ATG16L2: variants seen among roughly 807,000 people sequenced by gnomAD.
ATG16L2 encodes autophagy related 16 like 2.
In ATG16L2, 77 loss-of-function variants were observed where a neutral mutation model predicts 84.7. The ratio of observed to expected loss-of-function variants is 0.91; its 90% CI spans 0.76 to 1.10. ATG16L2 has a LOEUF of 1.10. ATG16L2 is among the 50% of genes least tolerant of loss of function. The pLI, the probability that ATG16L2 is intolerant of heterozygous loss-of-function variation, is 0.00. For missense variants in ATG16L2, 782 were observed against 817.6 expected (o/e 0.96, Z 0.53); for synonymous variants, 361 against 342.8 (o/e 1.05, Z -0.59).
At chr11:72,840,584 A>G (rs1335438809) in intron 5 of ATG16L2, among the ~76,000 whole-genome samples, 2 of 152,244 alleles carry the variant, frequency 1.3e-5, no homozygotes, top group African/African-American at 4.8e-5. Flanking sequence ...GTGTTTCACA[A>G]TTAGCCCGCT....
Position 72,829,437 on chromosome 11 carries a change from A to G in ATG16L2, c.*47A>G. On this transcript the variant is annotated 3_prime_UTR_variant, in exon 18 of 18. Coordinates refer to ENST00000321297, the MANE Select transcript of ATG16L2 (RefSeq NM_033388.2). The stretch of plus-strand genomic sequence containing the variant: ...GCTGGAGCTCTTGCCCGAAGCCTGA[A>G]GCTTCCTTCGGCGCCATGCAGGGGT... 6.3e-7 allele frequency: 1 copy of G among 1,590,718 alleles called. No homozygotes were observed. The highest frequency in any genetic ancestry group is 8.6e-7 in the Non-Finnish European group (1 of 1,166,706).
chr11:72,842,384 C>G (rs1266705846), intron 5 of ATG16L2, among the ~76,000 whole-genome samples: 1 of 152,172 alleles, frequency 6.6e-6, no homozygotes, highest in Non-Finnish European at 1.5e-5. Flanking sequence ...TTTTGGTTAA[C>G]CAATTCAAGG....
intron 2 of ATG16L2, 76 bp from the exon 3 acceptor site, chr11:72,817,680 A>C: frequency 7.0e-7 from 1 of 1,425,320 alleles, no homozygotes; most frequent in East Asian, 2.3e-5. Flanking sequence ...TAGGCTTTTC[A>C]TGTAGCATCA....
intron 7 of ATG16L2, 121 bp from the exon 8 acceptor site, chr11:72,823,939 C>T (rs575486677): frequency 2.8e-4 from 309 of 1,121,468 alleles, no homozygotes; most frequent in Non-Finnish European, 3.9e-4. Flanking sequence ...AAGTCAAGTT[C>T]TTATCCCAGA....
downstream of ATG16L2, among the ~76,000 whole-genome samples, chr11:72,832,014 ACTCC>A (rs1860617398): frequency 6.6e-6 from 1 of 151,704 alleles, no homozygotes; most frequent in African/African-American, 2.4e-5. Context: ...GTCTAACCTG[ACTCC>A]CTCCCTACAT....
chr11:72,824,597 C>A, intron 8 of ATG16L2, 137 bp from the exon 9 acceptor site: 1 of 698,080 alleles, frequency 1.4e-6, no homozygotes, highest in Non-Finnish European at 2.6e-6. Context: ...TTGGGGAATG[C>A]TCTCGCTGCT....
At position 72,822,358 on chromosome 11, in the gene ATG16L2, C is replaced by G; in HGVS notation, c.644+63C>G. On this transcript the variant is annotated intron_variant, in intron 5 of 17. Coordinates refer to ENST00000321297, the MANE Select transcript of ATG16L2 (RefSeq NM_033388.2). This position sits in a 1 kb window ranked among gnomAD's most constrained non-coding sequence, Gnocchi z 4.2. ...CCGCCCCTGCAGGGAGGAGTCGGGC[C>G]TCGCCGGTGTCTGGAAGGGAGGGGG... 1 of 1,555,722 alleles carries G rather than the reference C, an allele frequency of 6.4e-7. No individual in the cohort carries two copies. The highest frequency in any genetic ancestry group is 1.4e-5 in the African/African-American group (1 of 73,278).
intron 5 of ATG16L2, among the ~76,000 whole-genome samples, chr11:72,839,928 A>G (rs962089380): frequency 1.3e-5 from 2 of 152,208 alleles, no homozygotes; most frequent in African/African-American, 2.4e-5. Context: ...ATCAGCAGAG[A>G]CAGGTGGCGG....
chr11:72,829,810 G>A (rs1860565968), downstream of ATG16L2, among the ~76,000 whole-genome samples: 1 of 152,152 alleles, frequency 6.6e-6, no homozygotes, highest in African/African-American at 2.4e-5. Flanking sequence ...ACAGCAGGAA[G>A]AAAGGCCCTG....
intron 3 of ATG16L2, 142 bp downstream of exon 3, chr11:72,817,997 G>A (rs938693896): frequency 5.2e-6 from 4 of 770,898 alleles, no homozygotes; most frequent in African/African-American, 1.8e-5. Context: ...GCCAGGCCCT[G>A]ACCTGAAGCT....
downstream of ATG16L2, among the ~76,000 whole-genome samples, chr11:72,833,659 G>A (rs1225576682): frequency 6.6e-6 from 1 of 152,208 alleles, no homozygotes; most frequent in Admixed American, 6.5e-5. Flanking sequence ...GGTGGCTCAT[G>A]CCTGTAATCC....
chr11:72,832,244 C>T (rs1053795659), downstream of ATG16L2, among the ~76,000 whole-genome samples: 1 of 152,176 alleles, frequency 6.6e-6, no homozygotes, highest in African/African-American at 2.4e-5. Flanking sequence ...GGACAGTGAG[C>T]CCTTCTCTCC....
chr11:72,827,209 T>C lies in ATG16L2; in HGVS notation c.1388T>C (p.Leu463Pro). The C allele has an allele frequency of 6.2e-7, 1 of 1,614,088 alleles. No individual in the cohort carries two copies. The highest frequency in any genetic ancestry group is 8.5e-7 in the Non-Finnish European group (1 of 1,179,972). ...CCAGGCTCCAGGACCATCAATGTCC[T>C]TTCCTACTGTAATGACGTGGTGTGT... is the stretch of plus-strand genomic sequence containing the variant. The part of the protein sequence containing the change: ...RAYCSRTINV[L>P]SYCNDVVCGD... Residue 463 changes from leucine to proline, a missense_variant, in exon 14 of 18, where the codon CTT (leucine) becomes CCT (proline). By Grantham distance (98) the Leu-to-Pro change is moderately conservative (BLOSUM62 -3). Coordinates refer to ENST00000321297, the MANE Select transcript of ATG16L2 (RefSeq NM_033388.2).
At chr11:72,830,483 C>G (rs1461176653), downstream of ATG16L2, among the ~76,000 whole-genome samples, 1 of 152,150 alleles carries the variant, frequency 6.6e-6, no homozygotes, top group East Asian at 1.9e-4. Flanking sequence ...GCCAGAGTGA[C>G]TTTTGTTGTT....
intron 5 of ATG16L2, among the ~76,000 whole-genome samples, chr11:72,836,574 G>A (rs370830651): frequency 6.6e-6 from 1 of 152,074 alleles, no homozygotes; most frequent in East Asian, 1.9e-4. Context: ...ATTACACCTA[G>A]CACATGGGGG....
chr11:72,822,992 T>G lies in ATG16L2; in HGVS notation c.824+31T>G. The G allele has an allele frequency of 1.9e-5, 28 of 1,477,756 alleles. No individual in the cohort carries two copies. Among genetic ancestry groups the G allele is most frequent in the Non-Finnish European group, 2.3e-5 (25 of 1,086,688 alleles). 91.5% of individuals were successfully genotyped at this position (1,477,756 alleles called of 1,614,324 possible). ...GACCCAGGTGACAGTCTCAGAGCTC[T>G]GAGCTGAGCCCCACCCCAGAGGCTG... is the stretch of plus-strand genomic sequence containing the variant. On this transcript the variant is annotated intron_variant, in intron 7 of 17. Coordinates refer to ENST00000321297, the MANE Select transcript of ATG16L2 (RefSeq NM_033388.2). The surrounding 1 kb of genome is among the most constrained non-coding windows in gnomAD (Gnocchi z 4.2).
intron 4 of ATG16L2, 113 bp downstream of exon 4, chr11:72,821,854 C>T (rs935920462): frequency 1.7e-5 from 25 of 1,443,270 alleles, no homozygotes; most frequent in South Asian, 2.8e-5. Flanking sequence ...TACGTCCCCC[C>T]GACCCCATCG....
At chr11:72,830,712 C>G (rs375724989), downstream of ATG16L2, among the ~76,000 whole-genome samples, 1 of 152,198 alleles carries the variant, frequency 6.6e-6, no homozygotes, top group Non-Finnish European at 1.5e-5. Context: ...AGAGACCACC[C>G]GCAACCCCAG....
intron 1 of ATG16L2, chr11:72,816,445 C>T (rs1313305942): frequency 2.7e-6 from 1 of 363,810 alleles, no homozygotes; most frequent in Non-Finnish European, 5.1e-6. Flanking sequence ...TCAGGACCCT[C>T]AGCGGGCAGT....
Sources: gnomAD v4.1 joint callset for allele counts (sites outside exome capture counted in the v4.1 genomes callset) on GRCh38, gnomAD v4.1.1 for gene constraint, Gnocchi (gnomAD v3.1) non-coding constraint, MANE v1.5 for transcripts, NCBI Gene and HGNC (gene_info 2026-07-23, HGNC 2026-07-21) for gene names.